ANXA2: variants seen among roughly 807,000 people sequenced by gnomAD.
The protein encoded by ANXA2 is annexin A2, also known as annexin II.
In ANXA2, 28 loss-of-function variants were observed where a neutral mutation model predicts 47.3. That is an observed-to-expected ratio of 0.59 (90% CI 0.44 to 0.81). The LOEUF (loss-of-function observed/expected upper bound fraction) is 0.81. Ranked by LOEUF, ANXA2 falls within the 40% of genes least tolerant of loss-of-function variation. The pLI, the probability that ANXA2 is intolerant of heterozygous loss-of-function variation, is 0.00. For synonymous variants in ANXA2, 172 were observed against 155.5 expected (o/e 1.11, Z -0.79); for missense variants, 384 against 414.3 (o/e 0.93, Z 0.64).
chr15:60,396,077 G>A (rs112476021), intron 1 of ANXA2: 15 of 152,112 alleles, frequency 9.9e-5, no homozygotes, highest in African/African-American at 3.4e-4. Flanking sequence ...TTATAGATCT[G>A]TTTAGGTGAA....
chr15:60,363,786 T>C (rs1403758341), intron 4 of ANXA2, among the ~76,000 whole-genome samples: 1 of 152,082 alleles, frequency 6.6e-6, no homozygotes, highest in African/African-American at 2.4e-5. Context: ...AGAATTCAAG[T>C]GTATATTTTT....
rs1313081992 is a variant in ANXA2, at chr15:60,397,956, C to G, written c.-25G>C. ...CGCCCCGCTTACCTGGGCCGTGCGC[C>G]GAGAGCTGAGAGCGTCCCCAAATGC... On this transcript the variant is annotated 5_prime_UTR_variant, in exon 1 of 13. Transcript: ENST00000451270. 2.3e-6 allele frequency: 3 copies of G among 1,278,354 alleles called. No individual in the cohort carries two copies. Among genetic ancestry groups the G allele is most frequent in the Non-Finnish European group, 3.0e-6 (3 of 1,010,834 alleles). 79.2% of individuals were successfully genotyped at this position (1,278,354 alleles called of 1,614,324 possible). A position where few individuals can be genotyped will look rare whatever the true frequency, so the allele number is the denominator to read the frequency against.
chr15:60,349,838 G>A (rs1435983440), intron 11 of ANXA2, among the ~76,000 whole-genome samples: 3 of 135,014 alleles, frequency 2.2e-5, no homozygotes, highest in African/African-American at 8.5e-5. Flanking sequence ...GGGAGGGGAA[G>A]GAAAGGGAGG....
At chr15:60,350,477 C>T (rs748136817) in intron 11 of ANXA2, among the ~76,000 whole-genome samples, 1 of 152,152 alleles carries the variant, frequency 6.6e-6, no homozygotes, top group Non-Finnish European at 1.5e-5. Flanking sequence ...ACTTCCAGAG[C>T]ATCAGAGCGA....
intron 7 of ANXA2, among the ~76,000 whole-genome samples, chr15:60,354,700 G>C (rs1294191577): frequency 6.6e-6 from 1 of 151,622 alleles, no homozygotes; most frequent in Non-Finnish European, 1.5e-5. Flanking sequence ...AAATCATTGA[G>C]CAAGGAAGTG....
intron 1 of ANXA2, among the ~76,000 whole-genome samples, chr15:60,388,019 CT>C (rs2062956553): frequency 6.6e-6 from 1 of 152,004 alleles, no homozygotes; most frequent in Non-Finnish European, 1.5e-5. Flanking sequence ...GAAACCCCAT[CT>C]CTACTAAAAA....
chr15:60,376,503 A>G (rs928615525), intron 3 of ANXA2, among the ~76,000 whole-genome samples: 3 of 152,188 alleles, frequency 2.0e-5, no homozygotes, highest in Non-Finnish European at 4.4e-5. Context: ...GAGCCAGGAC[A>G]GGTATTTTTG....
Position 60,380,684 on chromosome 15 carries a change from A to G in ANXA2, c.148+1658T>C, listed in dbSNP as rs562733945. On this transcript the variant is annotated intron_variant, in intron 3 of 12. Coordinates refer to ENST00000451270, the MANE Select transcript of ANXA2 (RefSeq NM_004039.3). ...CTGGGCATGGTGGTGTGTGCCTGTA[A>G]TCCCAGCTATTAGGGAGGCTGAGGC... Among the ~76,000 whole-genome samples the G allele has an allele frequency of 2.0e-5, 3 of 151,080 alleles. No individual in the cohort carries two copies. In the East Asian group the frequency reaches 5.9e-4, roughly 30 times the overall value.
intron 3 of ANXA2, among the ~76,000 whole-genome samples, chr15:60,372,795 A>T (rs1170977170): frequency 6.6e-6 from 1 of 151,232 alleles, no homozygotes; most frequent in East Asian, 1.9e-4. Flanking sequence ...CTGGGCCCAA[A>T]TGATCCTCCT....
chr15:60,392,386 A>C (rs1035420492), intron 1 of ANXA2, among the ~76,000 whole-genome samples: 1 of 132,640 alleles, frequency 7.5e-6, no homozygotes, highest in East Asian at 2.4e-4. Context: ...CAACCTAATA[A>C]TTTAAGGGTT....
chr15:60,378,841 C>CTA (rs1042564316), intron 3 of ANXA2, among the ~76,000 whole-genome samples: 1 of 151,988 alleles, frequency 6.6e-6, no homozygotes, highest in Non-Finnish European at 1.5e-5. Context: ...TGGCACACGC[C>CTA]TATAGTCCCA....
intron 5 of ANXA2, among the ~76,000 whole-genome samples, chr15:60,358,493 C>A (rs535314581): frequency 1.3e-5 from 2 of 152,278 alleles, no homozygotes; most frequent in African/African-American, 2.4e-5. Flanking sequence ...ACATGAAAAG[C>A]GTGTCAGCTA....
At chr15:60,363,060 T>TAAAAAAA (rs2062542265) in intron 4 of ANXA2, 1 of 97,194 alleles carries the variant, frequency 1.0e-5, no homozygotes, top group African/African-American at 3.9e-5. Context: ...AAAAAAAAAG[T>TAAAAAAA]TTCAGGCTTC....
intron 3 of ANXA2, among the ~76,000 whole-genome samples, chr15:60,379,158 A>C (rs2062821036): frequency 6.6e-6 from 1 of 151,006 alleles, no homozygotes; most frequent in Non-Finnish European, 1.5e-5. Context: ...GCACACCTGT[A>C]ATCCCAGCTA....
chr15:60,397,158 C>G (rs1481351861), intron 1 of ANXA2: 1 of 639,992 alleles, frequency 1.6e-6, no homozygotes, highest in Non-Finnish European at 1.9e-6. Flanking sequence ...GGGAGAGGCC[C>G]CGGGGCCACG....
intron 3 of ANXA2, among the ~76,000 whole-genome samples, chr15:60,375,574 T>A (rs1322035354): frequency 1.3e-5 from 2 of 152,356 alleles, no homozygotes; most frequent in African/African-American, 4.8e-5. Context: ...AGATTAAGTC[T>A]CAGCAACCTC....
chr15:60,366,365 G>A (rs1338181172), intron 3 of ANXA2, among the ~76,000 whole-genome samples: 1 of 149,630 alleles, frequency 6.7e-6, no homozygotes, highest in African/African-American at 2.5e-5. Flanking sequence ...AGTGAGGAGC[G>A]CCTCTTCCCC....
chr15:60,362,852 G>A (rs2062535897), intron 4 of ANXA2: 1 of 151,860 alleles, frequency 6.6e-6, no homozygotes, highest in South Asian at 2.1e-4. Context: ...TGGGAGCTTT[G>A]TTCTACATAT....
At chr15:60,353,012 G>T (rs544702691) in intron 8 of ANXA2, among the ~76,000 whole-genome samples, 2 of 152,142 alleles carry the variant, frequency 1.3e-5, no homozygotes, top group Non-Finnish European at 2.9e-5. Context: ...AGGAAGAAAG[G>T]CTTATGCAAG....
Sources: gnomAD v4.1 joint callset for allele counts (sites outside exome capture counted in the v4.1 genomes callset) on GRCh38, gnomAD v4.1.1 for gene constraint, MANE v1.5 for transcripts, NCBI Gene and HGNC (gene_info 2026-07-23, HGNC 2026-07-21) for gene names.